Variants in CNOT9 observed in about 807,000 individuals in gnomAD.
CNOT9 encodes RCD1 required for cell differentiation1 homolog.
A neutral mutation model predicts 37.4 loss-of-function variants in CNOT9; 8 were observed. The observed-to-expected ratio is 0.21, with a 90% CI of 0.13 to 0.39. The LOEUF is 0.39. Among genes scored for constraint, CNOT9 ranks in the 10% least tolerant of loss-of-function variants. The pLI is 1.00. For synonymous variants in CNOT9, 120 were observed against 137.6 expected, an observed-to-expected ratio of 0.87 and a Z score of 0.90; for missense variants, 154 against 365.3, an observed-to-expected ratio of 0.42 and a Z score of 4.71.
At chr2:218,591,249 A>G (rs148287871) in intron 5 of CNOT9, among the ~76,000 whole-genome samples, 1 of 152,292 alleles carries the variant, frequency 6.6e-6, no homozygotes, top group Non-Finnish European at 1.5e-5. Flanking sequence ...GCCAAGAAAG[A>G]GTATCATTAT....
intron 2 of CNOT9, among the ~76,000 whole-genome samples, chr2:218,581,911 A>G (rs1694398072): frequency 6.6e-6 from 1 of 151,836 alleles, no homozygotes; most frequent in Non-Finnish European, 1.5e-5. Flanking sequence ...GCGAAACACC[A>G]TTTCTACAAA....
chr2:218,574,441 C>T (rs1029618749), intron 1 of CNOT9, among the ~76,000 whole-genome samples: 1 of 152,250 alleles, frequency 6.6e-6, no homozygotes, highest in South Asian at 2.1e-4. Context: ...TTAATGAGTT[C>T]TGTGCTAAGG....
chr2:218,588,119 CTG>C (rs1455947913), intron 5 of CNOT9, among the ~76,000 whole-genome samples: 1 of 152,144 alleles, frequency 6.6e-6, no homozygotes, highest in Non-Finnish European at 1.5e-5. Context: ...CCTCATTGTT[CTG>C]TCTCAGACCT....
Position 218,592,860 on chromosome 2 carries a change from T to C in CNOT9, c.731+153T>C. ...GACAGAACTTAGATTCTTTTAAAAA[T>C]CTGAAATGCTGAATTTTAGTAGCCA... On this transcript the variant is annotated intron_variant, in intron 7 of 7. Coordinates refer to ENST00000273064, the MANE Select transcript of CNOT9 (RefSeq NM_005444.3). This position sits in a 1 kb window ranked among gnomAD's most constrained non-coding sequence, Gnocchi z 4.1. 1 of 630,084 alleles carries C rather than the reference T, an allele frequency of 1.6e-6. No homozygotes were observed. The highest frequency in any genetic ancestry group is 2.8e-6 in the Non-Finnish European group (1 of 362,390). 39.0% of individuals were successfully genotyped at this position (630,084 alleles called of 1,614,324 possible).
In CNOT9 at chr2:218,568,943, G is replaced by A; in HGVS notation, c.-12G>A. On this transcript the variant is annotated 5_prime_UTR_variant, in exon 1 of 8. Transcript: ENST00000273064. ...CGTCCGGCTGTGGAAGAGAGCGGCGGCCGCTCACAACATGCACAGCCTGGC... is the reference window on the plus strand; with the variant it reads ...CGTCCGGCTGTGGAAGAGAGCGGCGACCGCTCACAACATGCACAGCCTGGC... 1 of 1,607,848 alleles carries A rather than the reference G, an allele frequency of 6.2e-7. No homozygotes were observed. The highest frequency in any genetic ancestry group is 8.5e-7 in the Non-Finnish European group (1 of 1,177,264).
At chr2:218,583,994 C>T (rs1446451574) in intron 3 of CNOT9, among the ~76,000 whole-genome samples, 4 of 152,088 alleles carry the variant, frequency 2.6e-5, no homozygotes, top group Non-Finnish European at 5.9e-5. Flanking sequence ...ATAATGGCTG[C>T]TTTGTTTTGT....
intron 1 of CNOT9, among the ~76,000 whole-genome samples, 182 bp downstream of exon 1, chr2:218,569,160 C>T (rs1018322673): frequency 2.6e-5 from 4 of 152,234 alleles, no homozygotes; most frequent in Non-Finnish European, 4.4e-5. Flanking sequence ...TATTTCCTTG[C>T]CGGACGCCTC....
At chr2:218,572,568 C>A in intron 1 of CNOT9, 1 of 449,560 alleles carries the variant, frequency 2.2e-6, no homozygotes, top group African/African-American at 2.1e-5. Flanking sequence ...ATTTTCCAGG[C>A]TGCAGTGAGC....
intron 4 of CNOT9, among the ~76,000 whole-genome samples, chr2:218,586,241 C>T (rs377589785): frequency 1.6e-4 from 25 of 152,230 alleles, no homozygotes; most frequent in South Asian, 1.2e-3. Flanking sequence ...CCCAAAATTT[C>T]ATGCTTTGAA....
intron 2 of CNOT9, chr2:218,581,210 C>T (rs1694365806): frequency 6.9e-6 from 2 of 291,472 alleles, no homozygotes; most frequent in Non-Finnish European, 7.0e-6. Flanking sequence ...GCTCTGTCGC[C>T]CAGACTAGAG....
chr2:218,577,961 C>T (rs900204338), intron 1 of CNOT9, among the ~76,000 whole-genome samples: 1 of 152,146 alleles, frequency 6.6e-6, no homozygotes, highest in East Asian at 1.9e-4. Context: ...TTCTGCTGAG[C>T]GTCTAAGGTG....
chr2:218,583,060 A>G lies in CNOT9; in HGVS notation c.294A>G (p.Gln98=), dbSNP rs763093785. The part of the protein sequence containing the change: ...NRVCNALALL[Q]CVASHPETRS... ...TTTGCAATGCTCTGGCATTACTGCA[A>G]TGTGTAGCATCACATCCAGAAACCA... is the stretch of plus-strand genomic sequence containing the variant. The change falls in exon 3 of 8, where the codon CAA becomes CAG. Residue 98 remains glutamine, a synonymous_variant. Coordinates refer to ENST00000273064, the MANE Select transcript of CNOT9 (RefSeq NM_005444.3). The G allele has an allele frequency of 1.5e-5, 24 of 1,613,356 alleles. No homozygotes were observed. The highest frequency in any genetic ancestry group is 1.4e-4 in the South Asian group (13 of 91,064).
intron 1 of CNOT9, among the ~76,000 whole-genome samples, chr2:218,570,804 C>T (rs571271625): frequency 1.3e-5 from 2 of 152,204 alleles, no homozygotes; most frequent in Non-Finnish European, 2.9e-5. Flanking sequence ...TGGTACATTA[C>T]TTATAATAAG....
chr2:218,579,689 G>A lies in CNOT9; in HGVS notation c.25-872G>A, dbSNP rs558934362. The stretch of plus-strand genomic sequence containing the variant: ...TTTTAGTAGAGACACCAGTTTCACC[G>A]TGTTAGCCAGGATGGTCTCAATCTC... On this transcript the variant is annotated intron_variant, in intron 1 of 7. Transcript: ENST00000273064. Among the ~76,000 whole-genome samples, 10 of 152,082 alleles carry A rather than the reference G, an allele frequency of 6.6e-5. No homozygotes were observed. In the South Asian group the frequency reaches 8.3e-4, roughly 13 times the overall value.
chr2:218,585,725 A>G (rs1694572116), intron 4 of CNOT9, among the ~76,000 whole-genome samples: 1 of 151,146 alleles, frequency 6.6e-6, no homozygotes, highest in South Asian at 2.1e-4. Flanking sequence ...TGCACCCTCA[A>G]ACTCCTGGGA....
In CNOT9 at chr2:218,592,923, G is replaced by T; in HGVS notation, c.731+216G>T. 1 of 558,958 alleles carries T rather than the reference G, an allele frequency of 1.8e-6. No individual in the cohort carries two copies. Among genetic ancestry groups the T allele is most frequent in the Non-Finnish European group, 3.2e-6 (1 of 315,272 alleles). 34.6% of individuals were successfully genotyped at this position (558,958 alleles called of 1,614,324 possible). A position where few individuals can be genotyped will look rare whatever the true frequency, so the allele number is the denominator to read the frequency against. The stretch of plus-strand genomic sequence containing the variant: ...TCTCACTGTAACTCTCCATCCTACT[G>T]TGAAATTCCAGAGAGTCTAGGCGAT... On this transcript the variant is annotated intron_variant, in intron 7 of 7. Coordinates refer to ENST00000273064, the MANE Select transcript of CNOT9 (RefSeq NM_005444.3). This position sits in a 1 kb window ranked among gnomAD's most constrained non-coding sequence, Gnocchi z 4.1.
At chr2:218,585,589 A>G (rs2106092261) in intron 4 of CNOT9, among the ~76,000 whole-genome samples, 1 of 149,812 alleles carries the variant, frequency 6.7e-6, no homozygotes, top group Non-Finnish European at 1.5e-5. Flanking sequence ...AAAAAAAATT[A>G]AATTTCCATG....
intron 5 of CNOT9, among the ~76,000 whole-genome samples, chr2:218,589,582 T>C (rs1559250270): frequency 6.6e-6 from 1 of 152,220 alleles, no homozygotes; most frequent in Non-Finnish European, 1.5e-5. Flanking sequence ...AGGATCTTCC[T>C]GCCTTCTGCC....
chr2:218,593,576 C>T (rs1392312198), intron 7 of CNOT9: 17 of 1,498,494 alleles, frequency 1.1e-5, no homozygotes, highest in Middle Eastern at 1.7e-4. Flanking sequence ...GAAAATGAAA[C>T]GTTTAAAAGT....
Sources: allele counts gnomAD v4.1 joint callset (sites outside exome capture counted in the v4.1 genomes callset), GRCh38; gene constraint gnomAD v4.1.1; non-coding constraint Gnocchi (gnomAD v3.1); transcripts MANE v1.5; gene names NCBI Gene and HGNC (gene_info 2026-07-23, HGNC 2026-07-21).